Variants in PKHD1 observed in about 807,000 individuals in gnomAD.
PKHD1 encodes the protein fibrocystin.
A neutral mutation model predicts 412.0 loss-of-function variants in PKHD1; 291 were observed. That is an observed-to-expected ratio of 0.71 (90% confidence interval 0.64 to 0.78). The LOEUF is 0.78. Ranked by LOEUF, PKHD1 falls within the 30% of genes least tolerant of loss-of-function variation. The pLI is 0.00. For synonymous variants in PKHD1, 1,777 were observed against 1,821.5 expected (o/e 0.98, Z 0.62); for missense variants, 4,825 against 4,950.7 (o/e 0.97, Z 0.76).
chr6:51,699,614 A>C (rs906671167), intron 60 of PKHD1, among the ~76,000 whole-genome samples: 1 of 152,188 alleles, frequency 6.6e-6, no homozygotes, highest in Non-Finnish European at 1.5e-5. Flanking sequence ...GGCGTATGTT[A>C]AGTATATATA....
In PKHD1 at chr6:51,619,268, C is replaced by T. The variant is rs375680275; in HGVS notation, c.12038G>A (p.Gly4013Asp). 4.1e-5 allele frequency: 66 copies of T among 1,614,132 alleles called. No homozygotes were observed. Among genetic ancestry groups the T allele is most frequent in the Non-Finnish European group, 5.3e-5 (62 of 1,180,056 alleles). Residue 4013 changes from glycine to aspartate, a missense_variant, in exon 67 of 67, where the codon GGC becomes GAC. Coordinates refer to ENST00000371117, the MANE Select transcript of PKHD1 (RefSeq NM_138694.4). ...GCATAGCAGCAGCAGCTGATTTTGG[C>T]CTGCCAGCTGGTATCTGAGCAACTG... The part of the protein sequence containing the change: ...QEQLLRYQLA[G>D]QNQLLLLCPD...
In PKHD1 at chr6:51,744,975, A is replaced by G. The variant is rs138838481; in HGVS notation, c.9999-433T>C. ...AACAAATATCTATTGAAAACCTACA[A>G]AAGACAGGCTGGGTAACATGATGGT... On this transcript the variant is annotated intron_variant, in intron 59 of 66. Coordinates refer to ENST00000371117, the MANE Select transcript of PKHD1 (RefSeq NM_138694.4). Among the ~76,000 whole-genome samples the G allele has an allele frequency of 2.6e-5, 4 of 152,274 alleles. No homozygotes were observed. In the East Asian group the frequency reaches 7.7e-4, roughly 29 times the overall value.
At chr6:51,971,041 C>A (rs992852667) in intron 35 of PKHD1, among the ~76,000 whole-genome samples, 1 of 152,086 alleles carries the variant, frequency 6.6e-6, no homozygotes, top group Non-Finnish European at 1.5e-5. Context: ...GCTTTCAATC[C>A]GTGAGCATGA....
chr6:51,663,288 T>A (rs1015346523), intron 60 of PKHD1, among the ~76,000 whole-genome samples: 8 of 152,142 alleles, frequency 5.3e-5, no homozygotes. Flanking sequence ...TCACATTCCA[T>A]CCAATTTTAT....
chr6:51,968,077 G>C (rs1057323385), intron 35 of PKHD1, among the ~76,000 whole-genome samples: 10 of 151,974 alleles, frequency 6.6e-5, no homozygotes, highest in Admixed American at 5.2e-4. Context: ...TGGATATGTG[G>C]TGGCAGAGGA....
intron 60 of PKHD1, among the ~76,000 whole-genome samples, chr6:51,673,394 T>C (rs941267464): frequency 6.6e-6 from 1 of 152,228 alleles, no homozygotes; most frequent in Non-Finnish European, 1.5e-5. Flanking sequence ...TTTCCCTTTT[T>C]TCCACTATAA....
intron 35 of PKHD1, among the ~76,000 whole-genome samples, chr6:51,966,027 AT>A (rs1792748562): frequency 6.6e-6 from 1 of 152,118 alleles, no homozygotes; most frequent in South Asian, 2.1e-4. Flanking sequence ...AATATTTCTA[AT>A]GTCCCAAGCA....
chr6:51,788,302 T>C (rs941031993), intron 53 of PKHD1, among the ~76,000 whole-genome samples: 20 of 151,972 alleles, frequency 1.3e-4, no homozygotes, highest in Non-Finnish European at 1.2e-4. Context: ...TCTGTTCTGA[T>C]AGCTGGAGGC....
chr6:51,892,201 C>G (rs957407755), intron 43 of PKHD1, among the ~76,000 whole-genome samples: 9 of 152,186 alleles, frequency 5.9e-5, no homozygotes. Context: ...GAATTCTAAT[C>G]ACATGTCTCA....
At chr6:52,006,594 C>G (rs184792145) in intron 35 of PKHD1, among the ~76,000 whole-genome samples, 5 of 152,262 alleles carry the variant, frequency 3.3e-5, no homozygotes, top group Admixed American at 2.6e-4. Context: ...CCAGGCTTGT[C>G]TCGAACTCCT....
intron 52 of PKHD1, among the ~76,000 whole-genome samples, chr6:51,794,328 T>G (rs764994233): frequency 6.6e-6 from 1 of 152,196 alleles, no homozygotes; most frequent in Non-Finnish European, 1.5e-5. Context: ...CGTGTATGTC[T>G]TCTTTTGAGA....
At chr6:51,959,525 G>A (rs1393432470) in intron 36 of PKHD1, among the ~76,000 whole-genome samples, 6 of 152,112 alleles carry the variant, frequency 3.9e-5, no homozygotes, top group Non-Finnish European at 7.4e-5. Context: ...AGGCAGCAAC[G>A]TTAACCAATT....
At chr6:51,745,270 C>G (rs1020103692) in intron 59 of PKHD1, among the ~76,000 whole-genome samples, 1 of 152,018 alleles carries the variant, frequency 6.6e-6, no homozygotes, top group African/African-American at 2.4e-5. Context: ...AAACTTAATC[C>G]TTAATGAAAC....
chr6:51,918,452 T>A (rs968576842), intron 37 of PKHD1, among the ~76,000 whole-genome samples: 9 of 152,106 alleles, frequency 5.9e-5, no homozygotes, highest in Middle Eastern at 3.2e-3. Context: ...TGTGTTTGAT[T>A]TTCTGTCTTG....
intron 36 of PKHD1, among the ~76,000 whole-genome samples, chr6:51,958,669 A>T (rs1791530671): frequency 6.6e-6 from 1 of 152,118 alleles, no homozygotes. Context: ...GCAGAATTTG[A>T]TTCATATGGA....
intron 49 of PKHD1, 103 bp from the exon 50 acceptor site, chr6:51,848,073 G>A (rs1771529242): frequency 2.6e-6 from 2 of 778,678 alleles, no homozygotes; most frequent in East Asian, 5.0e-5. Context: ...AGAGAACGCA[G>A]ATGGAGTAGT....
chr6:51,992,024 A>G lies in PKHD1; in HGVS notation c.5751+18285T>C, dbSNP rs75481088. The stretch of plus-strand genomic sequence containing the variant: ...CAGGCTCTGGAATCATTATGTCTCA[A>G]TTTGAGTCCCTGCTCTGCCACTTTC... On this transcript the variant is annotated intron_variant, in intron 35 of 66. Transcript: ENST00000371117. 7.6e-3 allele frequency among the ~76,000 whole-genome samples: 1,154 copies of G among 152,340 alleles called. 15 individuals are homozygous for G. Among genetic ancestry groups the G allele is most frequent in the African/African-American group, 0.026 (1,070 of 41,578 alleles).
chr6:51,729,693 C>T (rs572422538), intron 60 of PKHD1, among the ~76,000 whole-genome samples: 56 of 152,274 alleles, frequency 3.7e-4, no homozygotes, highest in African/African-American at 1.3e-3. Flanking sequence ...TCTTTCTCCA[C>T]ATTTTCCCCA....
At chr6:51,934,401 C>T in intron 36 of PKHD1, 79 bp from the exon 37 acceptor site, 5 of 869,968 alleles carry the variant, frequency 5.7e-6, no homozygotes, top group Non-Finnish European at 9.8e-6. Context: ...CTGATGAAAT[C>T]CCCTTCATTT....
Sources: gnomAD v4.1 joint callset for allele counts (sites outside exome capture counted in the v4.1 genomes callset) on GRCh38, gnomAD v4.1.1 for gene constraint, MANE v1.5 for transcripts, NCBI Gene and HGNC (gene_info 2026-07-23, HGNC 2026-07-21) for gene names.